The following MYO9A variants were observed in gnomAD, a reference collection of about 807,000 sequenced individuals.
MYO9A encodes the protein myosin IXA, also known as unconventional myosin-IXa.
Under a neutral mutation model 293.3 loss-of-function variants are expected in MYO9A, and 103 were observed. The ratio of observed to expected loss-of-function variants is 0.35; its 90% CI spans 0.30 to 0.41. The LOEUF (loss-of-function observed/expected upper bound fraction) is 0.41. Among genes scored for constraint, MYO9A ranks in the 10% least tolerant of loss-of-function variants. The pLI, the probability that MYO9A is intolerant of heterozygous loss-of-function variation, is 1.00. For missense variants in MYO9A, 2,685 were observed against 3,033.0 expected, an observed-to-expected ratio of 0.89 and a Z score of 2.69; for synonymous variants, 1,001 against 1,035.7, an observed-to-expected ratio of 0.97 and a Z score of 0.64.
Position 71,825,175 on chromosome 15 carries a change from A to ATACTT in MYO9A, c.*1400_*1404dup, listed in dbSNP as rs1417451891. On this transcript the variant is annotated 3_prime_UTR_variant, in exon 42 of 42. Transcript: ENST00000356056. Reference sequence around the variant, plus strand: ...GATTTCTAATCCCACAAATGCTAAGATACTTAAAATGCTATTATAACTCAT... The same window carrying ATACTT: ...GATTTCTAATCCCACAAATGCTAAGATACTTTACTTAAAATGCTATTATAACTCAT... 1 of 152,194 alleles carries ATACTT rather than the reference A, an allele frequency of 6.6e-6. No homozygotes were observed. The highest frequency in any genetic ancestry group is 2.4e-5 in the African/African-American group (1 of 41,442). 9.4% of individuals were successfully genotyped at this position (152,194 alleles called of 1,614,324 possible). A position where few individuals can be genotyped will look rare whatever the true frequency, so the allele number is the denominator to read the frequency against.
intron 1 of MYO9A, among the ~76,000 whole-genome samples, chr15:72,087,967 TAAGGA>T (rs2079794228): frequency 6.6e-6 from 1 of 152,142 alleles, no homozygotes; most frequent in Non-Finnish European, 1.5e-5. Context: ...AATGAGGTCA[TAAGGA>T]AAGGTCCTAC....
chr15:71,894,034 T>G (rs900346968), intron 25 of MYO9A, among the ~76,000 whole-genome samples: 1 of 152,136 alleles, frequency 6.6e-6, no homozygotes, highest in African/African-American at 2.4e-5. Context: ...TTAAGAATAG[T>G]AGCTGCAAAA....
chr15:72,084,510 C>A (rs978336222), intron 1 of MYO9A, among the ~76,000 whole-genome samples: 3 of 152,142 alleles, frequency 2.0e-5, no homozygotes, highest in Non-Finnish European at 1.5e-5. Context: ...TTGATACTGA[C>A]ATCATGATGT....
intron 35 of MYO9A, among the ~76,000 whole-genome samples, chr15:71,853,317 A>C (rs549632337): frequency 1.3e-5 from 2 of 152,356 alleles, no homozygotes; most frequent in South Asian, 4.1e-4. Flanking sequence ...AGATAAAAGG[A>C]CAGTGATAAC....
chr15:71,991,168 A>G lies in MYO9A; in HGVS notation c.1657T>C (p.Cys553Arg), dbSNP rs1418238212. ...DYENNSFEQF[C>R]INFANERLQH... Reference sequence around the variant, plus strand: ...AAACGTTCATTAGCAAAATTAATACAGAACTGTTCAAAGCTGTTATTTTCA... The same window carrying G: ...AAACGTTCATTAGCAAAATTAATACGGAACTGTTCAAAGCTGTTATTTTCA... The change falls in exon 11 of 42, where the codon TGT (cysteine) becomes CGT (arginine). Residue 553 changes from cysteine (C) to arginine (R), a missense_variant. This residue lies in a region of MYO9A where 201 missense variants were observed against 245.2 expected (regional missense o/e 0.82). Coordinates refer to ENST00000356056, the MANE Select transcript of MYO9A (RefSeq NM_006901.4). The G allele has an allele frequency of 6.2e-7, 1 of 1,609,698 alleles. No individual in the cohort carries two copies. The highest frequency in any genetic ancestry group is 8.5e-7 in the Non-Finnish European group (1 of 1,177,808).
intron 2 of MYO9A, chr15:72,036,524 G>A (rs1483490237): frequency 6.6e-6 from 1 of 151,536 alleles, no homozygotes; most frequent in East Asian, 1.9e-4. Context: ...GCTCCACACT[G>A]AAGAGAAAAA....
At chr15:72,060,406 T>C (rs944115801) in intron 1 of MYO9A, among the ~76,000 whole-genome samples, 23 of 151,594 alleles carry the variant, frequency 1.5e-4, no homozygotes, top group African/African-American at 5.6e-4. Flanking sequence ...AAAATAAAAA[T>C]AAAAAATAAA....
At chr15:72,054,304 T>C (rs1317561142) in intron 1 of MYO9A, among the ~76,000 whole-genome samples, 1 of 144,264 alleles carries the variant, frequency 6.9e-6, no homozygotes, top group East Asian at 2.8e-4. Flanking sequence ...AGAAAAAGAT[T>C]ACAAGAAGTT....
At chr15:71,885,606 A>G (rs1297011055) in intron 27 of MYO9A, among the ~76,000 whole-genome samples, 2 of 152,130 alleles carry the variant, frequency 1.3e-5, no homozygotes, top group East Asian at 1.9e-4. Context: ...AGCTACTTTC[A>G]TCATTGTAAC....
At chr15:71,990,965 G>C in intron 11 of MYO9A, 138 bp downstream of exon 11, 1 of 872,302 alleles carries the variant, frequency 1.1e-6, no homozygotes, top group Non-Finnish European at 1.6e-6. Context: ...ATTCTTGTTT[G>C]TAAAGGCACG....
At chr15:72,044,158 G>C (rs1032335338) in intron 2 of MYO9A, among the ~76,000 whole-genome samples, 3 of 152,022 alleles carry the variant, frequency 2.0e-5, no homozygotes, top group African/African-American at 7.2e-5. Flanking sequence ...TGTAATCCCA[G>C]CACTTTGGGA....
chr15:71,873,382 A>T (rs1280372709), intron 32 of MYO9A, among the ~76,000 whole-genome samples: 2 of 152,172 alleles, frequency 1.3e-5, no homozygotes, highest in Non-Finnish European at 1.5e-5. Context: ...TCTTCAATAA[A>T]GAACCTCGTG....
intron 11 of MYO9A, among the ~76,000 whole-genome samples, chr15:71,980,481 C>T (rs1166673119): frequency 3.3e-5 from 5 of 152,138 alleles, no homozygotes; most frequent in Non-Finnish European, 7.3e-5. Context: ...AAAGAAAAAA[C>T]ATTTTCCTAT....
chr15:71,976,265 G>A (rs1447662776), intron 12 of MYO9A, among the ~76,000 whole-genome samples: 2 of 152,062 alleles, frequency 1.3e-5, no homozygotes, highest in Non-Finnish European at 2.9e-5. Flanking sequence ...TGATTACTGT[G>A]GTGTTAGAGT....
At chr15:72,067,078 T>C (rs918948542) in intron 1 of MYO9A, among the ~76,000 whole-genome samples, 4 of 124,620 alleles carry the variant, frequency 3.2e-5, no homozygotes, top group South Asian at 2.9e-4. Context: ...ATTAGCAATA[T>C]TGATAATTAT....
chr15:71,920,428 G>A (rs1210715273), intron 18 of MYO9A, among the ~76,000 whole-genome samples: 1 of 152,022 alleles, frequency 6.6e-6, no homozygotes, highest in East Asian at 1.9e-4. Context: ...GATAAAAGAG[G>A]CCCAAAAGAG....
intron 8 of MYO9A, among the ~76,000 whole-genome samples, chr15:72,007,310 A>C (rs1383420161): frequency 1.3e-5 from 2 of 152,138 alleles, no homozygotes; most frequent in East Asian, 3.8e-4. Context: ...TCCAGGAAGA[A>C]AGAATCAGGT....
At chr15:71,971,053 C>T (rs1311705121) in intron 12 of MYO9A, among the ~76,000 whole-genome samples, 1 of 151,450 alleles carries the variant, frequency 6.6e-6, no homozygotes, top group Admixed American at 6.6e-5. Flanking sequence ...CCCAGCTGCT[C>T]GGGAGGCTGA....
At chr15:71,893,916 G>C in intron 25 of MYO9A, 138 bp from the exon 26 acceptor site, 1 of 692,684 alleles carries the variant, frequency 1.4e-6, no homozygotes, top group Non-Finnish European at 2.4e-6. Context: ...TATTTTTTCT[G>C]CTTAGCTAAT....
Sources: allele counts gnomAD v4.1 joint callset (sites outside exome capture counted in the v4.1 genomes callset), GRCh38; gene constraint gnomAD v4.1.1; regional missense constraint gnomAD v4.1.1; transcripts MANE v1.5; gene names NCBI Gene and HGNC (gene_info 2026-07-23, HGNC 2026-07-21).